The following TNRC18 variants were observed in gnomAD, a reference collection of about 807,000 sequenced individuals.
The protein encoded by TNRC18 is trinucleotide repeat-containing gene 18 protein.
TNRC18 carries 69 observed loss-of-function variants against 226.7 expected under a neutral mutation model. The observed-to-expected ratio is 0.30, with a 90% CI of 0.25 to 0.37. The LOEUF is 0.37. Ranked by LOEUF, TNRC18 falls within the 10% of genes least tolerant of loss-of-function variation. The pLI is 1.00. For missense variants in TNRC18, 4,754 were observed against 4,256.6 expected (o/e 1.12, Z -3.25); for synonymous variants, 2,449 against 1,927.6 (o/e 1.27, Z -7.09).
intron 18 of TNRC18, among the ~76,000 whole-genome samples, chr7:5,340,662 G>C (rs1171013230): frequency 6.6e-6 from 1 of 150,996 alleles, no homozygotes; most frequent in Non-Finnish European, 1.5e-5. Flanking sequence ...AGAATCACTT[G>C]AACCCGGGAG....
At chr7:5,341,559 T>C (rs1790688365) in intron 18 of TNRC18, among the ~76,000 whole-genome samples, 1 of 150,692 alleles carries the variant, frequency 6.6e-6, no homozygotes, top group South Asian at 2.1e-4. Context: ...AGGTCAGGAG[T>C]TCAAGACCAG....
chr7:5,411,582 G>C (rs1243942618), intron 2 of TNRC18, among the ~76,000 whole-genome samples: 1 of 151,828 alleles, frequency 6.6e-6, no homozygotes. Flanking sequence ...AAGTGTGAAG[G>C]TAGAACAAAA....
intron 19 of TNRC18, among the ~76,000 whole-genome samples, chr7:5,328,353 C>T (rs1789152458): frequency 1.3e-5 from 2 of 152,082 alleles, no homozygotes; most frequent in Non-Finnish European, 2.9e-5. Flanking sequence ...GGAGACCCCA[C>T]CCCATCTGCA....
chr7:5,420,783 G>A (rs1584143761), intron 2 of TNRC18: 1 of 662,020 alleles, frequency 1.5e-6, no homozygotes, highest in Middle Eastern at 2.4e-4. Context: ...GGGGCCCCGG[G>A]GATTGGAATC....
In TNRC18 at chr7:5,421,258, G is replaced by A. The variant is rs988884283; in HGVS notation, c.-12C>T. 47 of 1,288,886 alleles carry A rather than the reference G, an allele frequency of 3.6e-5. No homozygotes were observed. The highest frequency in any genetic ancestry group is 4.4e-5 in the Non-Finnish European group (45 of 1,015,424). The allele number at this position is 1,288,886 out of a possible 1,614,324, so 79.8% of individuals were successfully genotyped here. ...TCTCGGCCATCCATCCTCCGCGGGAGTGCCGCGATCAGCCCCCCACCCGGC... is the reference window on the plus strand; with the variant it reads ...TCTCGGCCATCCATCCTCCGCGGGAATGCCGCGATCAGCCCCCCACCCGGC... On this transcript the variant is annotated 5_prime_UTR_variant, in exon 2 of 30. Transcript: ENST00000430969.
intron 18 of TNRC18, among the ~76,000 whole-genome samples, chr7:5,341,228 A>C (rs1790650208): frequency 1.3e-5 from 2 of 149,106 alleles, no homozygotes; most frequent in South Asian, 4.3e-4. Context: ...TGGCTACCAC[A>C]GTGAAACCCT....
chr7:5,310,417 G>C (rs922911442), intron 27 of TNRC18, among the ~76,000 whole-genome samples: 1 of 151,996 alleles, frequency 6.6e-6, no homozygotes, highest in Non-Finnish European at 1.5e-5. Context: ...TGTATTTTTA[G>C]TAGAGACGGG....
chr7:5,364,132 C>G (rs1191538959), intron 11 of TNRC18, among the ~76,000 whole-genome samples: 1 of 152,022 alleles, frequency 6.6e-6, no homozygotes, highest in African/African-American at 2.4e-5. Context: ...AACCCTGTCT[C>G]TACTAAAAAT....
At chr7:5,315,880 G>T in intron 25 of TNRC18, 76 bp downstream of exon 25, 1 of 1,135,246 alleles carries the variant, frequency 8.8e-7, no homozygotes. Context: ...ACAGAGCTCA[G>T]AGCCGGGCTT....
intron 16 of TNRC18, among the ~76,000 whole-genome samples, chr7:5,354,349 C>T (rs76228182): frequency 1.3e-5 from 2 of 152,032 alleles, no homozygotes; most frequent in South Asian, 2.1e-4. Flanking sequence ...ACCCCATCCA[C>T]GTCCACCTGA....
intron 2 of TNRC18, among the ~76,000 whole-genome samples, chr7:5,405,603 C>A (rs1000583862): frequency 5.3e-5 from 8 of 151,658 alleles, no homozygotes; most frequent in African/African-American, 1.9e-4. Context: ...AAAAGCCAGA[C>A]ATGGTAGCTT....
chr7:5,350,958 G>C (rs1034299577), intron 17 of TNRC18, among the ~76,000 whole-genome samples: 1 of 152,186 alleles, frequency 6.6e-6, no homozygotes, highest in Non-Finnish European at 1.5e-5. Flanking sequence ...AGAAATACAC[G>C]TGAGAAGACA....
In TNRC18 at chr7:5,307,566, TGA is replaced by T. The variant is rs1562466358; in HGVS notation, c.*538_*539del. On this transcript the variant is annotated 3_prime_UTR_variant, in exon 30 of 30. Transcript: ENST00000430969. ...TCTGTTCCCCAAGTCTAGGCCATCCTGAGAGGGTGGGGGCAGGGCCCCTGGCA... is the reference window on the plus strand; with the variant it reads ...TCTGTTCCCCAAGTCTAGGCCATCCTGAGGGTGGGGGCAGGGCCCCTGGCA... 8.9e-6 allele frequency: 4 copies of T among 449,668 alleles called. No individual in the cohort carries two copies. Among genetic ancestry groups the T allele is most frequent in the Non-Finnish European group, 1.3e-5 (3 of 224,122 alleles). 27.9% of individuals were successfully genotyped at this position (449,668 alleles called of 1,614,324 possible). A position where few individuals can be genotyped will look rare whatever the true frequency, so the allele number is the denominator to read the frequency against.
rs1056173 is a variant in TNRC18, at chr7:5,324,410, G to A, written c.6301-55C>T. On this transcript the variant is annotated intron_variant, in intron 20 of 29. Coordinates refer to ENST00000430969, the MANE Select transcript of TNRC18 (RefSeq NM_001080495.3). This position sits in a 1 kb window ranked among gnomAD's most constrained non-coding sequence, Gnocchi z 4.8. ...TTAGGACCTGAACAGGGGTCCTGCC[G>A]GGTTGGGGACCCTCTCTGGAAACCT... The A allele has an allele frequency of 0.098, 156,560 of 1,592,078 alleles. 8,470 individuals are homozygous for A. Among genetic ancestry groups the A allele is most frequent in the Admixed American group, 0.12 (7,152 of 58,898 alleles).
At chr7:5,408,233 AG>A (rs1163722783) in intron 2 of TNRC18, among the ~76,000 whole-genome samples, 3 of 146,804 alleles carry the variant, frequency 2.0e-5, no homozygotes, top group African/African-American at 7.6e-5. Context: ...CGGGAAGCGG[AG>A]GTTGCAGCGA....
At position 5,370,801 on chromosome 7, in the gene TNRC18, G is replaced by T. The variant is rs752839612; in HGVS notation, c.3793C>A (p.Pro1265Thr). The T allele has an allele frequency of 5.6e-6, 9 of 1,607,536 alleles. No individual in the cohort carries two copies. In the South Asian group the frequency reaches 8.8e-5, roughly 16 times the overall value. ...VEAKEEPVEV[P>T]VAVPVVEAVP... is the part of the protein sequence containing the mutation. The stretch of plus-strand genomic sequence containing the variant: ...GCCTCCACCACGGGCACCGCCACAG[G>T]CACCTCCACCGGCTCCTCCTTGGCC... Residue 1265 changes from proline to threonine, a missense_variant, in exon 11 of 30, where the codon CCT (proline) becomes ACT (threonine). Transcript: ENST00000430969.
chr7:5,315,922 G>T, intron 25 of TNRC18, 34 bp downstream of exon 25: 1 of 1,504,974 alleles, frequency 6.6e-7, no homozygotes, highest in South Asian at 1.3e-5. Flanking sequence ...GCGGCCCCTG[G>T]CAGGAGACCG....
At chr7:5,361,753 G>A (rs1793069909) in intron 13 of TNRC18, 31 bp from the exon 14 acceptor site, 12 of 1,554,458 alleles carry the variant, frequency 7.7e-6, no homozygotes, top group South Asian at 3.5e-5. Context: ...TGGCTGTGAC[G>A]CTGGGGGGCG....
intron 11 of TNRC18, among the ~76,000 whole-genome samples, chr7:5,367,313 G>A (rs960253246): frequency 3.9e-5 from 6 of 152,010 alleles, no homozygotes; most frequent in African/African-American, 1.2e-4. Flanking sequence ...TGCAGTGAGC[G>A]GAGATCACAC....
Sources: gnomAD v4.1 joint callset for allele counts (sites outside exome capture counted in the v4.1 genomes callset) on GRCh38, gnomAD v4.1.1 for gene constraint, Gnocchi (gnomAD v3.1) non-coding constraint, MANE v1.5 for transcripts, NCBI Gene and HGNC (gene_info 2026-07-23, HGNC 2026-07-21) for gene names.